NRXN1: variants seen among roughly 807,000 people sequenced by gnomAD.
NRXN1 encodes the protein neurexin-1.
In NRXN1, 39 loss-of-function variants were observed where a neutral mutation model predicts 150.9. The ratio of observed to expected loss-of-function variants is 0.26; its 90% CI spans 0.20 to 0.34. The LOEUF (loss-of-function observed/expected upper bound fraction) is 0.34. Among genes scored for constraint, NRXN1 ranks in the 10% least tolerant of loss-of-function variants. The probability of loss-of-function intolerance (pLI) is 1.00; values close to 1 mark genes in which losing one functional copy is unlikely to be tolerated. For missense variants in NRXN1, 1,815 were observed against 1,949.9 expected, an observed-to-expected ratio of 0.93 and a Z score of 1.30; for synonymous variants, 924 against 757.0, an observed-to-expected ratio of 1.22 and a Z score of -3.62.
At chr2:50,547,298 A>AAAAT (rs34901935) in intron 9 of NRXN1, among the ~76,000 whole-genome samples, 64,269 of 150,934 alleles carry the variant, frequency 0.43, 15,342 homozygotes, top group African/African-American at 0.65. Context: ...GATGGTTTAC[A>AAAAT]AAATAAATAA....
intron 2 of NRXN1, among the ~76,000 whole-genome samples, chr2:50,938,065 A>T (rs1688809625): frequency 6.6e-6 from 1 of 152,112 alleles, no homozygotes; most frequent in Non-Finnish European, 1.5e-5. Flanking sequence ...GTAAAGTAAA[A>T]ATATGATTTT....
rs570342888 is a variant in NRXN1 at position 50,687,168 on chromosome 2, AGG to A, written c.833-63555_833-63554del. Among the ~76,000 whole-genome samples the A allele has an allele frequency of 2.0e-5, 3 of 152,312 alleles. No individual in the cohort carries two copies. In the South Asian group the frequency reaches 6.2e-4, roughly 32 times the overall value. On this transcript the variant is annotated intron_variant, in intron 5 of 22. Coordinates refer to ENST00000401669, the MANE Select transcript of NRXN1 (RefSeq NM_001330078.2). The stretch of plus-strand genomic sequence containing the variant: ...AACCAAATTATAGGAAAAAGTCAGT[AGG>A]GTATTTAAAGATGGGATTAGTAATA...
intron 12 of NRXN1, among the ~76,000 whole-genome samples, chr2:50,519,531 G>C (rs1182172352): frequency 6.6e-6 from 1 of 151,886 alleles, no homozygotes; most frequent in Non-Finnish European, 1.5e-5. Flanking sequence ...AAATTAACTT[G>C]GTTTATCTGA....
intron 8 of NRXN1, among the ~76,000 whole-genome samples, chr2:50,608,510 T>A (rs1202642697): frequency 6.6e-6 from 1 of 150,442 alleles, no homozygotes; most frequent in Non-Finnish European, 1.5e-5. Flanking sequence ...TTAAACTACC[T>A]AAAAACTACA....
intron 5 of NRXN1, chr2:50,632,329 A>AT (rs1682483403): frequency 2.0e-5 from 3 of 152,114 alleles, no homozygotes; most frequent in South Asian, 4.1e-4. Context: ...TATAGAATGT[A>AT]TTTTTTTAAT....
intron 17 of NRXN1, among the ~76,000 whole-genome samples, chr2:50,462,935 T>C (rs1254307034): frequency 1.3e-5 from 2 of 151,868 alleles, no homozygotes; most frequent in African/African-American, 4.8e-5. Flanking sequence ...AGGTCTCATT[T>C]GTAATGTGGC....
At chr2:50,283,862 C>A (rs2071778345) in intron 17 of NRXN1, among the ~76,000 whole-genome samples, 1 of 152,130 alleles carries the variant, frequency 6.6e-6, no homozygotes, top group Non-Finnish European at 1.5e-5. Flanking sequence ...AGGCTCATTT[C>A]TTCTCAAGGC....
intron 5 of NRXN1, among the ~76,000 whole-genome samples, chr2:50,781,615 C>T (rs1266577384): frequency 6.6e-6 from 1 of 152,166 alleles, no homozygotes; most frequent in Non-Finnish European, 1.5e-5. Context: ...AGCTTCTGGT[C>T]AAGCTGATTT....
intron 8 of NRXN1, among the ~76,000 whole-genome samples, chr2:50,568,252 T>C (rs1225742100): frequency 6.6e-6 from 1 of 152,036 alleles, no homozygotes; most frequent in Non-Finnish European, 1.5e-5. Flanking sequence ...TCTTGAATAA[T>C]ACCCCATAAA....
At chr2:50,229,947 C>G (rs534674747) in intron 18 of NRXN1, among the ~76,000 whole-genome samples, 1 of 152,110 alleles carries the variant, frequency 6.6e-6, no homozygotes, top group African/African-American at 2.4e-5. Context: ...TCATCACTGG[C>G]TAACTTAAGA....
At chr2:49,945,032 C>T (rs1197759204) in intron 21 of NRXN1, 3 of 152,144 alleles carry the variant, frequency 2.0e-5, no homozygotes. Context: ...GCTTAAAAAT[C>T]TTTCAAGTGC....
chr2:50,061,378 T>C (rs1278941652), intron 19 of NRXN1, among the ~76,000 whole-genome samples: 1 of 152,202 alleles, frequency 6.6e-6, no homozygotes, highest in Admixed American at 6.5e-5. Context: ...TGCTGGGATA[T>C]AGAAGCTTTA....
intron 5 of NRXN1, among the ~76,000 whole-genome samples, chr2:50,653,122 G>T (rs1417154906): frequency 6.6e-6 from 1 of 151,918 alleles, no homozygotes; most frequent in Non-Finnish European, 1.5e-5. Flanking sequence ...TGCTGCTCAT[G>T]GCTCATTCTC....
intron 5 of NRXN1, among the ~76,000 whole-genome samples, chr2:50,659,052 C>T (rs1686911773): frequency 6.6e-6 from 1 of 152,050 alleles, no homozygotes; most frequent in African/African-American, 2.4e-5. Context: ...CACCCAACTT[C>T]TGCCCTCTGG....
At chr2:50,797,135 T>C (rs1706946288) in intron 5 of NRXN1, among the ~76,000 whole-genome samples, 2 of 152,204 alleles carry the variant, frequency 1.3e-5, no homozygotes, top group Non-Finnish European at 2.9e-5. Flanking sequence ...GGTTCCAGTA[T>C]ATGAATTTTG....
At chr2:50,312,933 T>G (rs2075296401) in intron 17 of NRXN1, among the ~76,000 whole-genome samples, 1 of 152,156 alleles carries the variant, frequency 6.6e-6, no homozygotes, top group East Asian at 1.9e-4. Flanking sequence ...GATGGAGTTC[T>G]TGGGGCTTTC....
chr2:50,399,789 T>TAAAAAAAAAAAA (rs562980355), intron 17 of NRXN1, among the ~76,000 whole-genome samples: 1 of 60,516 alleles, frequency 1.7e-5, no homozygotes, highest in Non-Finnish European at 3.0e-5. Context: ...AGAGAACTGG[T>TAAAAAAAAAAAA]AAAAAAAAAA....
intron 19 of NRXN1, among the ~76,000 whole-genome samples, chr2:50,059,760 G>A (rs1182864013): frequency 6.6e-6 from 1 of 152,214 alleles, no homozygotes; most frequent in Non-Finnish European, 1.5e-5. Context: ...GTACAGCTCA[G>A]GTCGTTGCTT....
chr2:50,515,484 A>G (rs1276288175), intron 12 of NRXN1, among the ~76,000 whole-genome samples: 4 of 152,124 alleles, frequency 2.6e-5, no homozygotes, highest in African/African-American at 9.7e-5. Flanking sequence ...TTTGGAGACC[A>G]CTGCTTTAAA....
Sources: gnomAD v4.1 joint callset for allele counts (sites outside exome capture counted in the v4.1 genomes callset) on GRCh38, gnomAD v4.1.1 for gene constraint, MANE v1.5 for transcripts, NCBI Gene and HGNC (gene_info 2026-07-23, HGNC 2026-07-21) for gene names.